ZDHHC2: variants seen among roughly 807,000 people sequenced by gnomAD.
ZDHHC2 encodes zDHHC palmitoyltransferase 2, also known as palmitoyltransferase ZDHHC2.
A neutral mutation model predicts 55.6 loss-of-function variants in ZDHHC2; 51 were observed. The observed-to-expected ratio is 0.92, with a 90% CI of 0.73 to 1.16. The LOEUF (loss-of-function observed/expected upper bound fraction) is 1.16, where lower values mean the gene tolerates loss of function less well. ZDHHC2 is among the 50% of genes most tolerant of loss of function. The pLI is 0.00. For synonymous variants in ZDHHC2, 199 were observed against 152.9 expected (o/e 1.30, Z -2.22); for missense variants, 491 against 442.4 (o/e 1.11, Z -0.99).
At chr8:17,204,574 T>G (rs1806997439) in intron 6 of ZDHHC2, among the ~76,000 whole-genome samples, 1 of 151,988 alleles carries the variant, frequency 6.6e-6, no homozygotes, top group Non-Finnish European at 1.5e-5. Context: ...AGAAAGAGAG[T>G]GAGCCTATAA....
chr8:17,205,819 A>C (rs772667402), intron 7 of ZDHHC2, 44 bp downstream of exon 7: 1 of 1,547,268 alleles, frequency 6.5e-7, no homozygotes, highest in South Asian at 1.2e-5. Context: ...ATACAATAAT[A>C]GATAATATAG....
intron 1 of ZDHHC2, among the ~76,000 whole-genome samples, chr8:17,174,703 T>A (rs1188940517): frequency 1.8e-5 from 2 of 110,316 alleles, no homozygotes; most frequent in African/African-American, 3.4e-5. Context: ...TATTGTGTTA[T>A]TCTTTTTTTT....
At chr8:17,169,883 A>G (rs932908725) in intron 1 of ZDHHC2, among the ~76,000 whole-genome samples, 18 of 152,288 alleles carry the variant, frequency 1.2e-4, no homozygotes, top group African/African-American at 4.1e-4. Context: ...TCTCACTTAC[A>G]TTAATGAATA....
rs139869656 is a variant in ZDHHC2, at chr8:17,181,521, C to T, written c.131-3268C>T. ...AATAACTATTAATTTATCTCAATAA[C>T]TGGTTTAAAGGAAATGAGATAAAGA... is the stretch of plus-strand genomic sequence containing the variant. On this transcript the variant is annotated intron_variant, in intron 1 of 12. Coordinates refer to ENST00000262096, the MANE Select transcript of ZDHHC2 (RefSeq NM_016353.5). Among the ~76,000 whole-genome samples, 5 of 152,242 alleles carry T rather than the reference C, an allele frequency of 3.3e-5. No individual in the cohort carries two copies. In the East Asian group the frequency reaches 9.7e-4, roughly 29 times the overall value.
chr8:17,214,996 T>G (rs978970907), intron 10 of ZDHHC2, among the ~76,000 whole-genome samples: 6 of 152,128 alleles, frequency 3.9e-5, no homozygotes, highest in Admixed American at 1.3e-4. Flanking sequence ...GATTTTCCAG[T>G]GTTAGAGATT....
chr8:17,179,404 A>G lies in ZDHHC2; in HGVS notation c.131-5385A>G, dbSNP rs555566688. Among the ~76,000 whole-genome samples, 14 of 151,812 alleles carry G rather than the reference A, an allele frequency of 9.2e-5. No homozygotes were observed. The East Asian group carries it at 2.3e-3, about 25-fold the overall frequency. On this transcript the variant is annotated intron_variant, in intron 1 of 12. Coordinates refer to ENST00000262096, the MANE Select transcript of ZDHHC2 (RefSeq NM_016353.5). ...ATGAAGTTCTTTTTTTGTTTTCTTT[A>G]TTTCTTCTTCTTTTTGTTTTAAGAA...
chr8:17,198,480 CCATGTAAATCTTTTCACA>C, intron 6 of ZDHHC2, 67 bp downstream of exon 6: 1 of 1,423,178 alleles, frequency 7.0e-7, no homozygotes, highest in Admixed American at 2.3e-5. Context: ...AATCACTTAT[CCATGTAAATCTTTTCACA>C]CATGAAATAT....
At chr8:17,156,982 G>C (rs1207159460) in intron 1 of ZDHHC2, 129 bp downstream of exon 1, 2 of 837,998 alleles carry the variant, frequency 2.4e-6, no homozygotes, top group Non-Finnish European at 3.3e-6. Flanking sequence ...GCCGCGTCCC[G>C]CCGGCTCCGC....
intron 1 of ZDHHC2, among the ~76,000 whole-genome samples, chr8:17,173,520 A>G (rs1804971097): frequency 6.6e-6 from 1 of 151,872 alleles, no homozygotes; most frequent in South Asian, 2.1e-4. Flanking sequence ...TACAAAAAAA[A>G]ATAAAATTAT....
At chr8:17,199,520 CGTCTTCGTCTTCT>C (rs1400937060) in intron 6 of ZDHHC2, among the ~76,000 whole-genome samples, 6 of 39,852 alleles carry the variant, frequency 1.5e-4, no homozygotes, top group Admixed American at 3.2e-4. Context: ...TCTTCGTCTT[CGTCTTCGTCTTCT>C]GTCTTCGTCT....
intron 3 of ZDHHC2, among the ~76,000 whole-genome samples, chr8:17,191,667 A>T (rs1234029836): frequency 6.6e-6 from 1 of 152,188 alleles, no homozygotes; most frequent in Non-Finnish European, 1.5e-5. Context: ...TTTGTGGCTG[A>T]ATATATTCCA....
At chr8:17,213,751 T>C (rs1023819314) in intron 10 of ZDHHC2, among the ~76,000 whole-genome samples, 1 of 152,216 alleles carries the variant, frequency 6.6e-6, no homozygotes, top group African/African-American at 2.4e-5. Context: ...TTAGCAGTAA[T>C]GAATCTTCAG....
intron 7 of ZDHHC2, among the ~76,000 whole-genome samples, chr8:17,206,925 C>T (rs1303703930): frequency 6.6e-6 from 1 of 152,066 alleles, no homozygotes; most frequent in Non-Finnish European, 1.5e-5. Context: ...TATTGCTAAG[C>T]ATAGAAAGAC....
At chr8:17,206,757 C>T (rs748519867) in intron 7 of ZDHHC2, among the ~76,000 whole-genome samples, 10 of 152,090 alleles carry the variant, frequency 6.6e-5, no homozygotes, top group Non-Finnish European at 1.3e-4. Context: ...CACCAAATGA[C>T]AGTAAAAAAG....
chr8:17,200,920 C>T (rs763835674), intron 6 of ZDHHC2, among the ~76,000 whole-genome samples: 2 of 152,180 alleles, frequency 1.3e-5, no homozygotes, highest in African/African-American at 4.8e-5. Context: ...TTGCGGCATC[C>T]ACTGTCTCCA....
intron 1 of ZDHHC2, among the ~76,000 whole-genome samples, chr8:17,171,431 T>C (rs141444069): frequency 1.2e-4 from 18 of 152,310 alleles, no homozygotes; most frequent in African/African-American, 4.3e-4. Flanking sequence ...CAGTCAGTGA[T>C]TCAGAAATGG....
At chr8:17,169,615 T>C (rs1324894695) in intron 1 of ZDHHC2, among the ~76,000 whole-genome samples, 1 of 152,138 alleles carries the variant, frequency 6.6e-6, no homozygotes, top group East Asian at 1.9e-4. Flanking sequence ...ATGGTGTCAA[T>C]CATGAACTCG....
intron 1 of ZDHHC2, among the ~76,000 whole-genome samples, chr8:17,174,356 T>G (rs541610757): frequency 7.2e-5 from 11 of 152,188 alleles, no homozygotes; most frequent in Admixed American, 5.9e-4. Flanking sequence ...TACTTTGTTA[T>G]GACAGCTGTA....
At position 17,209,947 on chromosome 8, in the gene ZDHHC2, C is replaced by A. The variant is rs745491361; in HGVS notation, c.746C>A (p.Pro249Gln). 6.2e-7 allele frequency: 1 copy of A among 1,608,810 alleles called. No individual in the cohort carries two copies. Among genetic ancestry groups the A allele is most frequent in the Non-Finnish European group, 8.5e-7 (1 of 1,177,846 alleles). ...NKSTLEAFRS[P>Q]VFRHGTDKNG... ...CTTTTTTTAGAGGCATTCAGAAGTC[C>A]AGTATTTCGACATGGAACAGATAAG... The change falls in exon 9 of 13, where the codon CCA (proline) becomes CAA (glutamine). Residue 249 changes from proline to glutamine, a missense_variant. Pro to Gln is a moderately conservative substitution (Grantham distance 76). Coordinates refer to ENST00000262096, the MANE Select transcript of ZDHHC2 (RefSeq NM_016353.5).
Sources: gnomAD v4.1 joint callset for allele counts (sites outside exome capture counted in the v4.1 genomes callset) on GRCh38, gnomAD v4.1.1 for gene constraint, MANE v1.5 for transcripts, NCBI Gene and HGNC (gene_info 2026-07-23, HGNC 2026-07-21) for gene names.